PFKM: variants seen among roughly 807,000 people sequenced by gnomAD.
PFKM encodes the protein ATP-dependent 6-phosphofructokinase, muscle type.
PFKM carries 58 observed loss-of-function variants against 95.5 expected under a neutral mutation model. The observed-to-expected ratio is 0.61, with a 90% CI of 0.49 to 0.76. PFKM has a LOEUF of 0.76. Among genes scored for constraint, PFKM ranks in the 30% least tolerant of loss-of-function variants. PFKM has a pLI of 0.00. For synonymous variants in PFKM, 336 were observed against 357.2 expected, an observed-to-expected ratio of 0.94 and a Z score of 0.67; for missense variants, 678 against 1,005.4, an observed-to-expected ratio of 0.67 and a Z score of 4.40.
At chr12:48,115,871 A>C (rs910844089), upstream of PFKM, among the ~76,000 whole-genome samples, 3 of 152,152 alleles carry the variant, frequency 2.0e-5, no homozygotes, top group Non-Finnish European at 4.4e-5. Flanking sequence ...ACATTTTGCC[A>C]ACATTGTGAA....
chr12:48,126,275 G>A (rs1592684566), intron 2 of PFKM, among the ~76,000 whole-genome samples: 2 of 152,226 alleles, frequency 1.3e-5, no homozygotes, highest in East Asian at 3.8e-4. Context: ...GGCTAGGAGA[G>A]CTCAAAGAAT....
intron 10 of PFKM, 197 bp from the exon 11 acceptor site, chr12:48,137,524 T>C (rs1950207678): frequency 4.8e-6 from 3 of 625,362 alleles, no homozygotes; most frequent in Non-Finnish European, 5.7e-6. Flanking sequence ...GGGGTTCCGA[T>C]GGCAAGAATA....
At chr12:48,120,355 C>T (rs1948129230) in intron 1 of PFKM, among the ~76,000 whole-genome samples, 1 of 152,178 alleles carries the variant, frequency 6.6e-6, no homozygotes, top group East Asian at 1.9e-4. Context: ...TGTAGTTCAT[C>T]AGTTCATTAA....
At chr12:48,141,129 A>G (rs1406936401) in intron 14 of PFKM, among the ~76,000 whole-genome samples, 182 bp from the exon 15 acceptor site, 1 of 152,182 alleles carries the variant, frequency 6.6e-6, no homozygotes, top group Non-Finnish European at 1.5e-5. Flanking sequence ...GATGCTTAAT[A>G]TTTGTGAATG....
At chr12:48,117,299 G>A (rs1236203307), upstream of PFKM, among the ~76,000 whole-genome samples, 1 of 152,222 alleles carries the variant, frequency 6.6e-6, no homozygotes. Flanking sequence ...AAACATTCAT[G>A]TGCAGGTTTT....
At chr12:48,110,851 G>C (rs994206788) in intron 3 of PFKM, among the ~76,000 whole-genome samples, 2 of 152,162 alleles carry the variant, frequency 1.3e-5, no homozygotes, top group East Asian at 3.8e-4. Context: ...GTGGCCCATA[G>C]AGGATCAGCT....
At chr12:48,123,019 A>G (rs796078837) in intron 2 of PFKM, among the ~76,000 whole-genome samples, 160 bp downstream of exon 2, 4 of 152,168 alleles carry the variant, frequency 2.6e-5, no homozygotes, top group African/African-American at 9.6e-5. Flanking sequence ...TTTGAATTTT[A>G]TTTGCCATGC....
chr12:48,106,249 AGTC>A (rs1946586359), intron 1 of PFKM: 3 of 619,556 alleles, frequency 4.8e-6, no homozygotes, highest in Non-Finnish European at 8.7e-6. Context: ...ATTTAAGACT[AGTC>A]GTAATTTCTC....
upstream of PFKM, among the ~76,000 whole-genome samples, chr12:48,117,309 T>C (rs78962389): frequency 1.6e-3 from 247 of 152,378 alleles, no homozygotes; most frequent in African/African-American, 5.7e-3. Context: ...GTGCAGGTTT[T>C]TTGTGCAGAC....
chr12:48,116,584 T>C (rs1278015114), upstream of PFKM, among the ~76,000 whole-genome samples: 2 of 152,196 alleles, frequency 1.3e-5, no homozygotes, highest in Non-Finnish European at 2.9e-5. Context: ...GCTCAAGTCA[T>C]TCTTGTGCCT....
rs72644847 is a variant in PFKM at position 48,122,310 on chromosome 12, C to A, written c.-8-457C>A. 0.21 allele frequency among the ~76,000 whole-genome samples: 31,292 copies of A among 152,042 alleles called. 3,766 individuals are homozygous for A. The highest frequency in any genetic ancestry group is 0.5 in the East Asian group (2,566 of 5,154). On this transcript the variant is annotated intron_variant, in intron 1 of 22. Transcript: ENST00000359794. ...TAATCTTAATTATAATCCAACCTAC[C>A]CTTGCTCTTCTACTTCTACTTTGCT...
upstream of PFKM, chr12:48,118,500 T>C: frequency 6.6e-7 from 1 of 1,509,348 alleles, no homozygotes; most frequent in East Asian, 2.5e-5. Flanking sequence ...GAGGTAGAGA[T>C]ACAAGTAAGC....
At chr12:48,111,172 G>C (rs1947153761) in intron 3 of PFKM, among the ~76,000 whole-genome samples, 1 of 152,212 alleles carries the variant, frequency 6.6e-6, no homozygotes, top group Admixed American at 6.5e-5. Flanking sequence ...ACTACTTCTA[G>C]TGACCTGAAA....
upstream of PFKM, among the ~76,000 whole-genome samples, chr12:48,117,020 A>G (rs1197376481): frequency 6.6e-6 from 1 of 152,092 alleles, no homozygotes; most frequent in African/African-American, 2.4e-5. Context: ...TCCACCTATT[A>G]ATCTCTCCTT....
chr12:48,122,446 T>G, intron 1 of PFKM: 2 of 475,464 alleles, frequency 4.2e-6, no homozygotes, highest in Non-Finnish European at 6.3e-6. Flanking sequence ...TCTCCTCCCT[T>G]TCTCATTTCT....
chr12:48,127,852 A>G (rs1949017707), intron 2 of PFKM, among the ~76,000 whole-genome samples: 2 of 152,220 alleles, frequency 1.3e-5, no homozygotes, highest in Admixed American at 6.5e-5. Context: ...CCCGAAAGAA[A>G]TGTCCATGCC....
intron 2 of PFKM, chr12:48,107,964 A>G: frequency 1.8e-6 from 2 of 1,108,146 alleles, no homozygotes; most frequent in Admixed American, 4.9e-5. Flanking sequence ...GGATTTTTGG[A>G]AAGAAAGCCC....
chr12:48,108,729 A>ATTTGT (rs1773664091), intron 3 of PFKM, among the ~76,000 whole-genome samples: 1 of 152,202 alleles, frequency 6.6e-6, no homozygotes, highest in South Asian at 2.1e-4. Context: ...ATTTCGTCTT[A>ATTTGT]ACTTAAATAC....
At chr12:48,143,704 A>C (rs370629193) in intron 18 of PFKM, 49 bp from the exon 19 acceptor site, 91 of 1,351,172 alleles carry the variant, frequency 6.7e-5, no homozygotes, top group Non-Finnish European at 9.2e-5. Context: ...ATTTATACCC[A>C]ACCTTATCCA....
Sources: allele counts gnomAD v4.1 joint callset (sites outside exome capture counted in the v4.1 genomes callset), GRCh38; gene constraint gnomAD v4.1.1; transcripts MANE v1.5; gene names NCBI Gene and HGNC (gene_info 2026-07-23, HGNC 2026-07-21).